The following TAOK3 variants were observed in gnomAD, a reference collection of about 807,000 sequenced individuals.
TAOK3 encodes serine/threonine-protein kinase TAO3.
TAOK3 carries 40 observed loss-of-function variants against 120.4 expected under a neutral mutation model. The ratio of observed to expected loss-of-function variants is 0.33; its 90% CI spans 0.26 to 0.43. The LOEUF is 0.43. Among genes scored for constraint, TAOK3 ranks in the 20% least tolerant of loss-of-function variants. The pLI is 1.00. For missense variants in TAOK3, 821 were observed against 1,112.1 expected, an observed-to-expected ratio of 0.74 and a Z score of 3.72; for synonymous variants, 355 against 387.5, an observed-to-expected ratio of 0.92 and a Z score of 0.99.
intron 2 of TAOK3, among the ~76,000 whole-genome samples, chr12:118,258,968 T>C (rs2041109744): frequency 6.6e-6 from 1 of 152,104 alleles, no homozygotes; most frequent in African/African-American, 2.4e-5. Flanking sequence ...CTAAGTGCTA[T>C]GGATTTGGGG....
In TAOK3 at chr12:118,162,037, G is replaced by C. The variant is rs933963460; in HGVS notation, c.1900-10C>G. ...TCTTTTTATTTAGTTCCTGCGTCCAGGAACAAAAGATAAACGGAGAGAGGT... is the reference window on the plus strand; with the variant it reads ...TCTTTTTATTTAGTTCCTGCGTCCACGAACAAAAGATAAACGGAGAGAGGT... On this transcript the variant is annotated splice_polypyrimidine_tract_variant and intron_variant, in intron 17 of 20. Coordinates refer to ENST00000392533, the MANE Select transcript of TAOK3 (RefSeq NM_016281.4). 21 of 1,610,206 alleles carry C rather than the reference G, an allele frequency of 1.3e-5. No homozygotes were observed. Among genetic ancestry groups the C allele is most frequent in the Non-Finnish European group, 1.8e-5 (21 of 1,176,990 alleles).
chr12:118,217,799 G>GTA (rs1469183316), intron 9 of TAOK3, among the ~76,000 whole-genome samples: 2 of 76,350 alleles, frequency 2.6e-5, no homozygotes, highest in African/African-American at 5.8e-5. Context: ...ATGTATGTAT[G>GTA]TGTGTGTGTG....
intron 3 of TAOK3, among the ~76,000 whole-genome samples, chr12:118,251,863 C>T (rs1191954452): frequency 6.6e-6 from 1 of 151,800 alleles, no homozygotes; most frequent in Non-Finnish European, 1.5e-5. Flanking sequence ...ACTCTGTCCC[C>T]CAGGCTGGAG....
chr12:118,213,725 C>T (rs1407442014), intron 10 of TAOK3, among the ~76,000 whole-genome samples: 3 of 152,044 alleles, frequency 2.0e-5, no homozygotes, highest in African/African-American at 7.2e-5. Context: ...ACCATCATGA[C>T]CTGGGACAAT....
chr12:118,354,715 A>G (rs2045322195), intron 1 of TAOK3, among the ~76,000 whole-genome samples: 1 of 152,002 alleles, frequency 6.6e-6, no homozygotes, highest in Admixed American at 6.6e-5. Context: ...TGATGGTTTT[A>G]TCAGGGGGAG....
rs1257166594 is a variant in TAOK3, at chr12:118,371,120, TA to T, written c.-194+1527del. On this transcript the variant is annotated intron_variant, in intron 1 of 20. Transcript: ENST00000392533. The surrounding 1 kb of genome is among the most constrained non-coding windows in gnomAD (Gnocchi z 5.5). ...ATTGATACTGATATGCTGCCAAATCTAAAAAAGTTTCTTAGCTCCTTGAGCT... is the reference window on the plus strand; with the variant it reads ...ATTGATACTGATATGCTGCCAAATCTAAAAAGTTTCTTAGCTCCTTGAGCT... Among the ~76,000 whole-genome samples the T allele has an allele frequency of 4.6e-5, 7 of 152,270 alleles. No individual in the cohort carries two copies. Among genetic ancestry groups the T allele is most frequent in the African/African-American group, 1.2e-4 (5 of 41,564 alleles).
chr12:118,246,705 C>T, intron 3 of TAOK3: 1 of 1,587,166 alleles, frequency 6.3e-7, no homozygotes, highest in Non-Finnish European at 8.5e-7. Context: ...CGTCTCCGCA[C>T]CTGTGCCTAA....
At position 118,298,072 on chromosome 12, in the gene TAOK3, G is replaced by C. The variant is rs1227863793; in HGVS notation, c.-193-31313C>G. On this transcript the variant is annotated intron_variant, in intron 1 of 20. Coordinates refer to ENST00000392533, the MANE Select transcript of TAOK3 (RefSeq NM_016281.4). Reference sequence around the variant, plus strand: ...TAGGATTATAGGCATGAGCCATCATGCCTAGCCACAATTTCTTTTGAACAA... The same window carrying C: ...TAGGATTATAGGCATGAGCCATCATCCCTAGCCACAATTTCTTTTGAACAA... 2.0e-5 allele frequency among the ~76,000 whole-genome samples: 3 copies of C among 152,096 alleles called. No homozygotes were observed. In the East Asian group the frequency reaches 5.8e-4, roughly 29 times the overall value.
At position 118,371,615 on chromosome 12, in the gene TAOK3, T is replaced by C. The variant is rs967203623; in HGVS notation, c.-194+1033A>G. ...TGGGAGCACCTCCCCGCTCCACTCG[T>C]CTGCGCTGCAGCCGGTTCCTATTTG... is the stretch of plus-strand genomic sequence containing the variant. On this transcript the variant is annotated intron_variant, in intron 1 of 20. Coordinates refer to ENST00000392533, the MANE Select transcript of TAOK3 (RefSeq NM_016281.4). This position sits in a 1 kb window ranked among gnomAD's most constrained non-coding sequence, Gnocchi z 5.5. Among the ~76,000 whole-genome samples the C allele has an allele frequency of 1.3e-5, 2 of 151,962 alleles. No homozygotes were observed. Among genetic ancestry groups the C allele is most frequent in the Non-Finnish European group, 2.9e-5 (2 of 67,952 alleles).
At chr12:118,199,400 C>A in intron 12 of TAOK3, 143 bp from the exon 13 acceptor site, 1 of 649,690 alleles carries the variant, frequency 1.5e-6, no homozygotes, top group Non-Finnish European at 2.8e-6. Flanking sequence ...TATGTACTGG[C>A]TCCACTACTC....
intron 2 of TAOK3, among the ~76,000 whole-genome samples, chr12:118,263,998 G>A (rs2041340570): frequency 6.6e-6 from 1 of 152,186 alleles, no homozygotes; most frequent in East Asian, 1.9e-4. Context: ...CCCAGGAGGT[G>A]GAAGTTGCAG....
intron 7 of TAOK3, 42 bp downstream of exon 7, chr12:118,238,031 G>A: frequency 2.9e-6 from 4 of 1,361,064 alleles, no homozygotes; most frequent in Non-Finnish European, 4.1e-6. Context: ...GGAATAGACA[G>A]TCCTGCAACT....
chr12:118,309,755 A>T (rs902444090), intron 1 of TAOK3, among the ~76,000 whole-genome samples: 1 of 151,864 alleles, frequency 6.6e-6, no homozygotes, highest in Non-Finnish European at 1.5e-5. Context: ...ACCTCAGGTG[A>T]TCTGCCCGCC....
intron 1 of TAOK3, among the ~76,000 whole-genome samples, chr12:118,285,497 C>T (rs981127493): frequency 3.9e-5 from 6 of 152,034 alleles, no homozygotes; most frequent in East Asian, 1.9e-4. Context: ...GGATTACAGG[C>T]GCCTGCCATC....
chr12:118,210,275 C>T (rs1334922476), intron 11 of TAOK3, among the ~76,000 whole-genome samples: 3 of 152,012 alleles, frequency 2.0e-5, no homozygotes, highest in African/African-American at 7.2e-5. Flanking sequence ...AGGAAAGCGC[C>T]GAAAGGTTGC....
At chr12:118,170,328 C>G (rs1010445629) in intron 17 of TAOK3, among the ~76,000 whole-genome samples, 5 of 152,142 alleles carry the variant, frequency 3.3e-5, no homozygotes, top group African/African-American at 9.7e-5. Context: ...GTCACCGCAC[C>G]CCAACAGGAA....
Position 118,160,239 on chromosome 12 carries a change from G to T in TAOK3, c.2259C>A (p.Ile753=). Reference sequence around the variant, plus strand: ...TCTGCTCATCTTTCAGTGTCTTTAAGATTGTTTTGTGCTCATTCTTTGGAG... The same window carrying T: ...TCTGCTCATCTTTCAGTGTCTTTAATATTGTTTTGTGCTCATTCTTTGGAG... ...EVTPKNEHKT[I]LKTLKDEQTR... The change falls in exon 19 of 21, where the codon ATC becomes ATA. Residue 753 remains isoleucine, a synonymous_variant. Transcript: ENST00000392533. This position sits in a 1 kb window ranked among gnomAD's most constrained non-coding sequence, Gnocchi z 4.2. The T allele has an allele frequency of 6.2e-7, 1 of 1,614,140 alleles. No homozygotes were observed. The highest frequency in any genetic ancestry group is 8.5e-7 in the Non-Finnish European group (1 of 1,180,006).
intron 1 of TAOK3, among the ~76,000 whole-genome samples, chr12:118,308,854 C>G (rs2043150156): frequency 7.1e-6 from 1 of 141,376 alleles, no homozygotes; most frequent in Non-Finnish European, 1.5e-5. Flanking sequence ...CGTTTGAACC[C>G]AGGAGGCGGA....
At chr12:118,274,236 T>A (rs2041828748) in intron 1 of TAOK3, among the ~76,000 whole-genome samples, 1 of 152,210 alleles carries the variant, frequency 6.6e-6, no homozygotes, top group South Asian at 2.1e-4. Context: ...TTTAAGGTAC[T>A]TTCACGTTGA....
Sources: allele counts gnomAD v4.1 joint callset (sites outside exome capture counted in the v4.1 genomes callset), GRCh38; gene constraint gnomAD v4.1.1; non-coding constraint Gnocchi (gnomAD v3.1); transcripts MANE v1.5; gene names NCBI Gene and HGNC (gene_info 2026-07-23, HGNC 2026-07-21).